The following DLC1 variants were observed in gnomAD, a reference collection of about 807,000 sequenced individuals.
DLC1 encodes rho GTPase-activating protein 7.
DLC1 carries 54 observed loss-of-function variants against 140.3 expected under a neutral mutation model. The ratio of observed to expected loss-of-function variants is 0.38; its 90% CI spans 0.31 to 0.48. The LOEUF (loss-of-function observed/expected upper bound fraction) is 0.48. Among genes scored for constraint, DLC1 ranks in the 20% least tolerant of loss-of-function variants. The pLI, the probability that DLC1 is intolerant of heterozygous loss-of-function variation, is 0.96. For missense variants in DLC1, 2,536 were observed against 1,907.0 expected (o/e 1.33, Z -6.14); for synonymous variants, 986 against 728.1 (o/e 1.35, Z -5.70).
chr8:13,346,193 T>C (rs1834331344), intron 4 of DLC1, among the ~76,000 whole-genome samples: 1 of 152,262 alleles, frequency 6.6e-6, no homozygotes, highest in Admixed American at 6.5e-5. Flanking sequence ...TAATATTATG[T>C]CACCTGTCTC....
intron 5 of DLC1, among the ~76,000 whole-genome samples, chr8:13,211,997 A>G (rs1827970275): frequency 1.3e-5 from 2 of 152,240 alleles, no homozygotes; most frequent in African/African-American, 2.4e-5. Flanking sequence ...AATCATAACC[A>G]GGACATTAAC....
rs1017409734 is a variant in DLC1 at position 13,398,437 on chromosome 8, T to C, written c.1173+3033A>G. Among the ~76,000 whole-genome samples the C allele has an allele frequency of 2.4e-4, 37 of 151,572 alleles. 1 individual carries two copies. Among genetic ancestry groups the C allele is most frequent in the Admixed American group, 2.2e-3 (34 of 15,208 alleles). On this transcript the variant is annotated intron_variant, in intron 3 of 17. Transcript: ENST00000276297. ...TGGATCTGTCAAATAAGAGAAAGGA[T>C]GGGGAGAAATGATGGAGCAATAGCC...
chr8:13,144,526 GAGGCCGAGGC>G (rs1183663333), intron 5 of DLC1, among the ~76,000 whole-genome samples: 2 of 152,176 alleles, frequency 1.3e-5, no homozygotes, highest in Non-Finnish European at 2.9e-5. Context: ...AGCACTTTGG[GAGGCCGAGGC>G]AGGCAGATCA....
chr8:13,235,741 A>C (rs960632826), intron 5 of DLC1, among the ~76,000 whole-genome samples: 2 of 152,040 alleles, frequency 1.3e-5, no homozygotes, highest in Admixed American at 1.3e-4. Flanking sequence ...CAGATGGCTC[A>C]TGTTCACTCA....
At chr8:13,109,653 G>A (rs1819900822) in intron 7 of DLC1, among the ~76,000 whole-genome samples, 1 of 151,952 alleles carries the variant, frequency 6.6e-6, no homozygotes, top group Non-Finnish European at 1.5e-5. Flanking sequence ...GGGAGGCCGA[G>A]GTGGGTGGAT....
intron 5 of DLC1, among the ~76,000 whole-genome samples, chr8:13,290,624 G>A (rs930988323): frequency 2.0e-5 from 3 of 152,050 alleles, no homozygotes; most frequent in Non-Finnish European, 2.9e-5. Flanking sequence ...AGTATAAAAG[G>A]ATGCCAGCCT....
At chr8:13,193,389 CA>C (rs1459495085) in intron 5 of DLC1, among the ~76,000 whole-genome samples, 1 of 151,876 alleles carries the variant, frequency 6.6e-6, no homozygotes. Flanking sequence ...ATGATAAGAC[CA>C]AAAAAGTCTT....
chr8:13,225,896 T>C (rs1828776092), intron 5 of DLC1, among the ~76,000 whole-genome samples: 1 of 152,134 alleles, frequency 6.6e-6, no homozygotes, highest in Non-Finnish European at 1.5e-5. Flanking sequence ...ATTACAGGCG[T>C]GAGCCACCGC....
Position 13,084,076 on chromosome 8 carries a change from A to C in DLC1, c.*1735T>G, listed in dbSNP as rs375226329. On this transcript the variant is annotated 3_prime_UTR_variant, in exon 18 of 18. Coordinates refer to ENST00000276297, the MANE Select transcript of DLC1 (RefSeq NM_182643.3). ...TAAGAAGAAAAAAGCCTTGAGGTAC[A>C]AAACCCAAAAGAATATCTGAGGTAT... 9 of 152,734 alleles carry C rather than the reference A, an allele frequency of 5.9e-5. No individual in the cohort carries two copies. Among genetic ancestry groups the C allele is most frequent in the African/African-American group, 1.7e-4 (7 of 41,594 alleles). 9.5% of individuals were successfully genotyped at this position (152,734 alleles called of 1,614,324 possible).
intron 4 of DLC1, among the ~76,000 whole-genome samples, chr8:13,312,431 C>G (rs1183634600): frequency 6.9e-6 from 1 of 145,912 alleles, no homozygotes; most frequent in Non-Finnish European, 1.5e-5. Context: ...AGCCCCATGA[C>G]TGGGCCACAT....
intron 2 of DLC1, among the ~76,000 whole-genome samples, chr8:13,404,717 G>A (rs1218041763): frequency 2.0e-5 from 3 of 152,034 alleles, no homozygotes; most frequent in Non-Finnish European, 2.9e-5. Flanking sequence ...GTACTTCTGG[G>A]CCAGGCATGG....
At chr8:13,276,475 G>C in intron 5 of DLC1, 1 of 1,336,986 alleles carries the variant, frequency 7.5e-7, no homozygotes. Context: ...CTGTGCTCCC[G>C]GCCGCAGGCT....
intron 5 of DLC1, among the ~76,000 whole-genome samples, chr8:13,288,834 G>A (rs1462754121): frequency 6.6e-6 from 1 of 152,204 alleles, no homozygotes; most frequent in Non-Finnish European, 1.5e-5. Flanking sequence ...TGACATTTGG[G>A]AGGACTTGCA....
chr8:13,393,782 T>A, intron 3 of DLC1, 89 bp from the exon 4 acceptor site: 1 of 1,461,516 alleles, frequency 6.8e-7, no homozygotes. Flanking sequence ...TCACTTCTTC[T>A]TTCTCCCAGT....
Position 13,603,003 on chromosome 8 carries a change from T to A in DLC1, c.-126+1534A>T, listed in dbSNP as rs556223804. Among the ~76,000 whole-genome samples the A allele has an allele frequency of 1.3e-3, 202 of 152,054 alleles. 1 individual carries two copies. The highest frequency in any genetic ancestry group is 4.2e-3 in the African/African-American group (173 of 41,552). ...TTTTGGATGTCAGGTAATAAAATTC[T>A]TTAGGGATTTTACGTGGCAATAACT... On this transcript the variant is annotated intron_variant, in intron 1 of 1. Coordinates refer to the DLC1 transcript ENST00000631382.
intron 4 of DLC1, among the ~76,000 whole-genome samples, chr8:13,385,072 C>A (rs1284198462): frequency 6.6e-6 from 1 of 152,068 alleles, no homozygotes; most frequent in East Asian, 1.9e-4. Flanking sequence ...CTGGGACAGG[C>A]AGAGGACGGC....
chr8:13,172,737 C>T (rs1207587680), intron 5 of DLC1, among the ~76,000 whole-genome samples: 1 of 152,154 alleles, frequency 6.6e-6, no homozygotes, highest in East Asian at 1.9e-4. Context: ...AGTTCGATTC[C>T]TCAGTAGCTT....
At chr8:13,534,735 T>G (rs558754043) in intron 1 of DLC1, among the ~76,000 whole-genome samples, 1 of 152,340 alleles carries the variant, frequency 6.6e-6, no homozygotes, top group South Asian at 2.1e-4. Flanking sequence ...CACTACCTTC[T>G]GAGTAGCTGA....
chr8:13,578,679 T>C (rs1369877225), intron 1 of DLC1, among the ~76,000 whole-genome samples: 2 of 152,118 alleles, frequency 1.3e-5, no homozygotes, highest in African/African-American at 2.4e-5. Flanking sequence ...CATTTGCTGG[T>C]TTATTATAAA....
Sources: allele counts gnomAD v4.1 joint callset (sites outside exome capture counted in the v4.1 genomes callset), GRCh38; gene constraint gnomAD v4.1.1; transcripts MANE v1.5; gene names NCBI Gene and HGNC (gene_info 2026-07-23, HGNC 2026-07-21).